The following PRSS23 variants were observed in gnomAD, a reference collection of about 807,000 sequenced individuals.
PRSS23 encodes the protein protease, serine 23.
A neutral mutation model predicts 34.7 loss-of-function variants in PRSS23; 25 were observed. The ratio of observed to expected loss-of-function variants is 0.72; its 90% confidence interval spans 0.53 to 1.01. The LOEUF (loss-of-function observed/expected upper bound fraction) is 1.01. Among genes scored for constraint, PRSS23 ranks in the 50% least tolerant of loss-of-function variants. The pLI, the probability that PRSS23 is intolerant of heterozygous loss-of-function variation, is 0.00. For synonymous variants in PRSS23, 176 were observed against 186.6 expected (o/e 0.94, Z 0.46); for missense variants, 445 against 475.6 (o/e 0.94, Z 0.60).
chr11:86,844,233 C>T (rs530888899), intron 2 of PRSS23, among the ~76,000 whole-genome samples: 58 of 152,228 alleles, frequency 3.8e-4, no homozygotes, highest in African/African-American at 1.3e-3. Flanking sequence ...GAACAAAATG[C>T]AGGGAACATC....
At chr11:86,801,221 A>G (rs1565347974) in intron 1 of PRSS23, among the ~76,000 whole-genome samples, 1 of 152,184 alleles carries the variant, frequency 6.6e-6, no homozygotes, top group Admixed American at 6.5e-5. Flanking sequence ...TGCTAACCCT[A>G]GACACTACAG....
chr11:86,823,992 C>T (rs1157686249), intron 2 of PRSS23, among the ~76,000 whole-genome samples: 1 of 100,154 alleles, frequency 1.0e-5, no homozygotes. Context: ...GGCGACAGAG[C>T]GAGACTCCGT....
chr11:86,905,418 T>C (rs1948935859), intron 2 of PRSS23, among the ~76,000 whole-genome samples: 1 of 152,216 alleles, frequency 6.6e-6, no homozygotes, highest in Non-Finnish European at 1.5e-5. Context: ...ATTGATACTC[T>C]TGCTCTAGCC....
intron 2 of PRSS23, among the ~76,000 whole-genome samples, chr11:86,890,387 C>T (rs576282650): frequency 7.9e-5 from 12 of 152,214 alleles, no homozygotes; most frequent in African/African-American, 2.4e-4. Flanking sequence ...TATGCCAGAA[C>T]AAAAGTTTAC....
In PRSS23 at chr11:86,874,686, C is replaced by T. The variant is rs899220020; in HGVS notation, c.206+51093C>T. Among the ~76,000 whole-genome samples, 4 of 152,342 alleles carry T rather than the reference C, an allele frequency of 2.6e-5. No individual in the cohort carries two copies. The South Asian group carries it at 8.3e-4, about 32-fold the overall frequency. The stretch of plus-strand genomic sequence containing the variant: ...TTGACTTATAACACACAATTCCCAA[C>T]TTTGTAGTGTAAAACAAAAACTATT... On this transcript the variant is annotated intron_variant, in intron 2 of 2. Coordinates refer to the PRSS23 transcript ENST00000533902.
At chr11:86,901,534 A>T (rs1234988974) in intron 2 of PRSS23, among the ~76,000 whole-genome samples, 1 of 152,160 alleles carries the variant, frequency 6.6e-6, no homozygotes, top group Non-Finnish European at 1.5e-5. Flanking sequence ...AGCCAAGGAG[A>T]TGCTAAGAAG....
chr11:86,808,876 G>A lies in PRSS23; in HGVS notation c.*81G>A, dbSNP rs111506955. ...GGCCAAATTGTTTTTTGTCATTGGC[G>A]TGCACACGTGTGTGTGTGTGTGTGT... is the stretch of plus-strand genomic sequence containing the variant. On this transcript the variant is annotated 3_prime_UTR_variant, in exon 2 of 2. Coordinates refer to ENST00000280258, the MANE Select transcript of PRSS23 (RefSeq NM_007173.6). 257 of 1,146,426 alleles carry A rather than the reference G, an allele frequency of 2.2e-4. 2 individuals are homozygous for A. Among genetic ancestry groups the A allele is most frequent in the African/African-American group, 1.5e-3 (95 of 62,428 alleles). 71.0% of individuals were successfully genotyped at this position (1,146,426 alleles called of 1,614,324 possible). A position where few individuals can be genotyped will look rare whatever the true frequency, so the allele number is the denominator to read the frequency against.
rs115358647 is a variant in PRSS23 at position 86,843,732 on chromosome 11, G to T, written c.206+20139G>T. Among the ~76,000 whole-genome samples, 90 of 152,298 alleles carry T rather than the reference G, an allele frequency of 5.9e-4. 1 individual carries two copies. The highest frequency in any genetic ancestry group is 2.0e-3 in the African/African-American group (85 of 41,572). ...TACAATGAGATCTCATTTTACACCAGTTAGAATGGTAATCATTAAAAAGTC... is the reference window on the plus strand; with the variant it reads ...TACAATGAGATCTCATTTTACACCATTTAGAATGGTAATCATTAAAAAGTC... On this transcript the variant is annotated intron_variant, in intron 2 of 2. Transcript: ENST00000533902.
intron 1 of PRSS23, among the ~76,000 whole-genome samples, chr11:86,804,931 C>T (rs1402338709): frequency 2.6e-5 from 4 of 152,180 alleles, no homozygotes; most frequent in African/African-American, 7.2e-5. Context: ...CCTACTCTTT[C>T]TCCCCCAAGA....
intron 2 of PRSS23, among the ~76,000 whole-genome samples, chr11:86,906,327 G>A (rs568334395): frequency 1.1e-4 from 16 of 152,240 alleles, no homozygotes; most frequent in Admixed American, 7.2e-4. Context: ...GCTCGGCTGC[G>A]GCCTCTCAAA....
In PRSS23 at chr11:86,929,870, T is replaced by C. The variant is rs193164157; in HGVS notation, c.207-21346T>C. Among the ~76,000 whole-genome samples the C allele has an allele frequency of 4.8e-3, 732 of 152,266 alleles. 4 individuals are homozygous for C. The highest frequency in any genetic ancestry group is 8.6e-3 in the Non-Finnish European group (588 of 68,022). On this transcript the variant is annotated intron_variant, in intron 2 of 2. Coordinates refer to the PRSS23 transcript ENST00000533902. ...TCAATGACAGAAAATGAGGAAGCTC[T>C]CTAAGTTGTGAAATGGAAAACTGCC...
intron 2 of PRSS23, among the ~76,000 whole-genome samples, chr11:86,831,380 A>G (rs146034567): frequency 4.9e-4 from 75 of 151,738 alleles, no homozygotes; most frequent in Non-Finnish European, 8.5e-4. Context: ...GGGTGTGTAC[A>G]CCCTGTGATA....
chr11:86,794,525 T>C (rs1169561730), intron 1 of PRSS23, among the ~76,000 whole-genome samples: 1 of 152,216 alleles, frequency 6.6e-6, no homozygotes, highest in African/African-American at 2.4e-5. Context: ...GCTCTTTTTT[T>C]CCTACCATAT....
chr11:86,941,829 G>A lies in PRSS23; in HGVS notation c.207-9387G>A, dbSNP rs1306839279. On this transcript the variant is annotated intron_variant, in intron 2 of 2. Coordinates refer to the PRSS23 transcript ENST00000533902. ...AAGTCCTGCCAACCTGATGGCTCTT[G>A]TTGTCACCTTTGGTTTCCTTCCTAT... 2.6e-5 allele frequency among the ~76,000 whole-genome samples: 4 copies of A among 152,278 alleles called. No homozygotes were observed. In the East Asian group the frequency reaches 7.7e-4, roughly 29 times the overall value.
At chr11:86,866,902 G>A (rs1948653162) in intron 2 of PRSS23, among the ~76,000 whole-genome samples, 1 of 152,156 alleles carries the variant, frequency 6.6e-6, no homozygotes, top group Non-Finnish European at 1.5e-5. Flanking sequence ...AAGCAGCCTG[G>A]GGCCTTCGCC....
At chr11:86,860,506 A>G (rs1948605832) in intron 2 of PRSS23, among the ~76,000 whole-genome samples, 1 of 149,518 alleles carries the variant, frequency 6.7e-6, no homozygotes, top group Admixed American at 6.6e-5. Flanking sequence ...CAATATCACA[A>G]GGGTTGTACA....
intron 2 of PRSS23, among the ~76,000 whole-genome samples, chr11:86,834,481 A>T (rs1220553693): frequency 1.3e-5 from 2 of 151,040 alleles, no homozygotes; most frequent in African/African-American, 4.9e-5. Context: ...TTTGGCTTCA[A>T]TATCTGCTTG....
At position 86,793,731 on chromosome 11, in the gene PRSS23, A is replaced by C. The variant is rs149876517; in HGVS notation, c.-14+2536A>C. Among the ~76,000 whole-genome samples, 4 of 152,324 alleles carry C rather than the reference A, an allele frequency of 2.6e-5. No individual in the cohort carries two copies. In the East Asian group the frequency reaches 7.7e-4, roughly 29 times the overall value. On this transcript the variant is annotated intron_variant, in intron 1 of 1. Transcript: ENST00000527521. ...TTAACCAATTAGAATTTTATTCATT[A>C]ATTTAATCATTTATTAAATTAACAT...
chr11:86,858,018 A>G (rs1174105330), intron 2 of PRSS23: 1 of 296,182 alleles, frequency 3.4e-6, no homozygotes, highest in Non-Finnish European at 6.7e-6. Flanking sequence ...CAAGAGGATG[A>G]TATTACTCCC....
Sources: allele counts gnomAD v4.1 joint callset (sites outside exome capture counted in the v4.1 genomes callset), GRCh38; gene constraint gnomAD v4.1.1; transcripts MANE v1.5; gene names NCBI Gene and HGNC (gene_info 2026-07-23, HGNC 2026-07-21).